PTPRD: variants seen among roughly 807,000 people sequenced by gnomAD.
PTPRD encodes the protein protein tyrosine phosphatase receptor type D.
Under a neutral mutation model 214.5 loss-of-function variants are expected in PTPRD, and 34 were observed. That is an observed-to-expected ratio of 0.16 (90% confidence interval 0.12 to 0.21). PTPRD has a LOEUF of 0.21. PTPRD is among the 10% of genes least tolerant of loss of function. PTPRD has a pLI of 1.00. For synonymous variants in PTPRD, 1,128 were observed against 845.7 expected (o/e 1.33, Z -5.79); for missense variants, 2,545 against 2,398.7 (o/e 1.06, Z -1.27).
intron 11 of PTPRD, among the ~76,000 whole-genome samples, chr9:8,995,753 GGTTCCTAAAAATTCTATTTAGGAT>G (rs2099394224): frequency 6.6e-6 from 1 of 151,334 alleles, no homozygotes; most frequent in African/African-American, 2.5e-5. Context: ...GTTATATACT[GGTTCCTAAAAATTCTATTTAGGAT>G]ACACAATACT....
At chr9:10,494,623 G>A (rs552551849) in intron 2 of PTPRD, among the ~76,000 whole-genome samples, 1 of 149,298 alleles carries the variant, frequency 6.7e-6, no homozygotes, top group East Asian at 1.9e-4. Flanking sequence ...CTCAGTCTGG[G>A]GCTTTTTTTT....
intron 5 of PTPRD, among the ~76,000 whole-genome samples, chr9:9,888,098 C>T (rs1239696579): frequency 1.3e-5 from 2 of 152,164 alleles, no homozygotes; most frequent in Non-Finnish European, 2.9e-5. Context: ...AGCAGCCATT[C>T]CTCTCCCTTC....
At chr9:9,474,882 G>C (rs1240490147) in intron 8 of PTPRD, among the ~76,000 whole-genome samples, 1 of 152,098 alleles carries the variant, frequency 6.6e-6, no homozygotes, top group Non-Finnish European at 1.5e-5. Context: ...TTTGCAAAGA[G>C]AGGCAATTGG....
At chr9:8,915,972 G>T (rs2098783010) in intron 11 of PTPRD, among the ~76,000 whole-genome samples, 1 of 152,154 alleles carries the variant, frequency 6.6e-6, no homozygotes, top group African/African-American at 2.4e-5. Flanking sequence ...AGAAGAAGGT[G>T]TTTAGAAAGA....
intron 35 of PTPRD, among the ~76,000 whole-genome samples, chr9:8,409,865 C>G (rs940624084): frequency 2.6e-5 from 4 of 152,178 alleles, no homozygotes; most frequent in South Asian, 4.1e-4. Context: ...TTACTTCACT[C>G]GTCAAACCAT....
intron 2 of PTPRD, among the ~76,000 whole-genome samples, chr9:10,549,110 C>T (rs902195417): frequency 6.6e-6 from 1 of 152,148 alleles, no homozygotes; most frequent in African/African-American, 2.4e-5. Flanking sequence ...TTTGTCTTAT[C>T]AATATATGTC....
intron 3 of PTPRD, among the ~76,000 whole-genome samples, chr9:10,179,516 TTA>T (rs1199605558): frequency 6.6e-6 from 1 of 152,038 alleles, no homozygotes; most frequent in African/African-American, 2.4e-5. Flanking sequence ...AATATAGTAT[TTA>T]TATATTGCTT....
intron 9 of PTPRD, among the ~76,000 whole-genome samples, chr9:9,256,007 T>C (rs953556281): frequency 6.6e-6 from 1 of 152,044 alleles, no homozygotes; most frequent in Non-Finnish European, 1.5e-5. Flanking sequence ...GGCAAACACC[T>C]TTTCCCCAGA....
chr9:10,011,963 C>T (rs570800726), intron 4 of PTPRD, among the ~76,000 whole-genome samples: 4 of 151,860 alleles, frequency 2.6e-5, no homozygotes, highest in East Asian at 1.9e-4. Flanking sequence ...TTGTATGTTC[C>T]GGAAACTCGC....
intron 39 of PTPRD, among the ~76,000 whole-genome samples, chr9:8,356,562 ACT>A (rs2077041570): frequency 6.6e-6 from 1 of 152,000 alleles, no homozygotes; most frequent in Admixed American, 6.6e-5. Flanking sequence ...AGCTGGGAAA[ACT>A]CAGTGATACC....
At chr9:8,624,826 T>C (rs558205527) in intron 14 of PTPRD, among the ~76,000 whole-genome samples, 8 of 151,978 alleles carry the variant, frequency 5.3e-5, no homozygotes, top group East Asian at 1.9e-4. Context: ...TCTGTCTTTG[T>C]AGTTCTCTTT....
chr9:9,618,839 A>G (rs900619338), intron 7 of PTPRD, among the ~76,000 whole-genome samples: 1 of 152,158 alleles, frequency 6.6e-6, no homozygotes, highest in African/African-American at 2.4e-5. Context: ...AGGATAATGT[A>G]TAGAAAGAAA....
chr9:9,488,395 G>T (rs10116180), intron 8 of PTPRD, among the ~76,000 whole-genome samples: 1 of 151,940 alleles, frequency 6.6e-6, no homozygotes, highest in African/African-American at 2.4e-5. Flanking sequence ...TCCAGTATAC[G>T]CCAAGACCTG....
At chr9:8,940,377 G>C (rs2099025274) in intron 11 of PTPRD, among the ~76,000 whole-genome samples, 1 of 138,664 alleles carries the variant, frequency 7.2e-6, no homozygotes, top group African/African-American at 2.7e-5. Context: ...CTGCCTCCTG[G>C]GTTCAAGTGA....
At chr9:9,143,156 C>T (rs913601349) in intron 10 of PTPRD, among the ~76,000 whole-genome samples, 2 of 152,182 alleles carry the variant, frequency 1.3e-5, no homozygotes, top group Non-Finnish European at 2.9e-5. Flanking sequence ...TCCCCAAATT[C>T]CTCATTGGAG....
chr9:8,920,828 T>C (rs1341516248), intron 11 of PTPRD, among the ~76,000 whole-genome samples: 1 of 152,216 alleles, frequency 6.6e-6, no homozygotes, highest in East Asian at 1.9e-4. Context: ...TATTATTTTA[T>C]TTTGAGACAG....
intron 5 of PTPRD, among the ~76,000 whole-genome samples, chr9:9,814,816 T>TC (rs201256600): frequency 0.099 from 12,175 of 122,730 alleles, 1,847 homozygotes; most frequent in East Asian, 0.73. Context: ...TTTTTTTTTT[T>TC]CGATACAGAA....
intron 24 of PTPRD, 82 bp from the exon 25 acceptor site, chr9:8,499,922 G>A (rs2097356803): frequency 2.4e-6 from 3 of 1,256,296 alleles, no homozygotes; most frequent in Admixed American, 2.8e-5. Flanking sequence ...TCTTTACTTA[G>A]GTTTCTCTTT....
At chr9:9,176,177 G>A (rs536471551) in intron 10 of PTPRD, among the ~76,000 whole-genome samples, 60 of 152,290 alleles carry the variant, frequency 3.9e-4, no homozygotes, top group Non-Finnish European at 7.5e-4. Flanking sequence ...TAAGAAGGTT[G>A]TCAGCTTGCT....
Sources: allele counts gnomAD v4.1 joint callset (sites outside exome capture counted in the v4.1 genomes callset), GRCh38; gene constraint gnomAD v4.1.1; transcripts MANE v1.5; gene names NCBI Gene and HGNC (gene_info 2026-07-23, HGNC 2026-07-21).